TFEC: variants seen among roughly 807,000 people sequenced by gnomAD.
TFEC encodes transcription factor EC.
Under a neutral mutation model 41.6 loss-of-function variants are expected in TFEC, and 31 were observed. The ratio of observed to expected loss-of-function variants is 0.74; its 90% CI spans 0.56 to 1.01. The LOEUF (loss-of-function observed/expected upper bound fraction) is 1.01, where lower values mean the gene tolerates loss of function less well. Among genes scored for constraint, TFEC ranks in the 50% least tolerant of loss-of-function variants. The pLI, the probability that TFEC is intolerant of heterozygous loss-of-function variation, is 0.00. For synonymous variants in TFEC, 143 were observed against 140.6 expected, an observed-to-expected ratio of 1.02 and a Z score of -0.12; for missense variants, 402 against 404.1, an observed-to-expected ratio of 0.99 and a Z score of 0.04.
chr7:115,990,336 C>T (rs1368834738), intron 1 of TFEC, among the ~76,000 whole-genome samples: 7 of 152,122 alleles, frequency 4.6e-5, no homozygotes, highest in South Asian at 2.1e-4. Context: ...ACCAAAGGAG[C>T]GCGGCTCCTC....
intron 2 of TFEC, chr7:116,111,044 T>C (rs1165007955): frequency 1.7e-5 from 8 of 480,600 alleles, no homozygotes; most frequent in African/African-American, 1.2e-4. Flanking sequence ...GTATTTGAAA[T>C]AGAAAACAAA....
intron 1 of TFEC, among the ~76,000 whole-genome samples, chr7:116,126,337 G>A (rs912033019): frequency 2.0e-5 from 3 of 151,990 alleles, no homozygotes; most frequent in Non-Finnish European, 2.9e-5. Flanking sequence ...AAATAAAAGA[G>A]GTTGATGGAA....
chr7:116,087,572 A>G (rs1258369084), intron 3 of TFEC, among the ~76,000 whole-genome samples: 1 of 152,076 alleles, frequency 6.6e-6, no homozygotes, highest in Non-Finnish European at 1.5e-5. Flanking sequence ...TTCAAATATT[A>G]TAAATCCTTT....
intron 3 of TFEC, among the ~76,000 whole-genome samples, chr7:116,043,199 T>G (rs999947441): frequency 1.3e-5 from 2 of 152,274 alleles, no homozygotes; most frequent in Middle Eastern, 3.4e-3. Context: ...CTAAATTTAA[T>G]AGTGTATCTT....
chr7:116,035,401 G>A (rs985814343), upstream of TFEC, among the ~76,000 whole-genome samples: 2 of 152,040 alleles, frequency 1.3e-5, no homozygotes, highest in Non-Finnish European at 2.9e-5. Context: ...AAGGGCTCTT[G>A]TGTGTATGTG....
intron 3 of TFEC, among the ~76,000 whole-genome samples, chr7:116,100,608 C>A (rs183304634): frequency 6.6e-6 from 1 of 152,052 alleles, no homozygotes; most frequent in African/African-American, 2.4e-5. Flanking sequence ...TTCTCTAAAG[C>A]ATCTGGTATT....
chr7:116,082,104 T>A (rs1226968470), intron 3 of TFEC, among the ~76,000 whole-genome samples: 1 of 152,054 alleles, frequency 6.6e-6, no homozygotes, highest in Non-Finnish European at 1.5e-5. Flanking sequence ...ATAACTTTAT[T>A]CATCTTTGAA....
chr7:116,027,918 C>G (rs865779624), intron 1 of TFEC, among the ~76,000 whole-genome samples: 2 of 152,088 alleles, frequency 1.3e-5, no homozygotes, highest in Non-Finnish European at 2.9e-5. Context: ...CCTATTCTTT[C>G]AAACCTGAAA....
chr7:115,993,346 G>A (rs1019164720), intron 1 of TFEC, among the ~76,000 whole-genome samples: 1 of 152,174 alleles, frequency 6.6e-6, no homozygotes, highest in Non-Finnish European at 1.5e-5. Flanking sequence ...AGTGTTGGAA[G>A]TTCTGGCCAG....
intron 3 of TFEC, among the ~76,000 whole-genome samples, chr7:116,103,663 A>T (rs957234412): frequency 4.2e-4 from 64 of 152,190 alleles, no homozygotes; most frequent in African/African-American, 1.5e-3. Flanking sequence ...GTTAACACGT[A>T]GAGACACGGT....
At chr7:116,153,747 A>G (rs1280912135) in intron 1 of TFEC, among the ~76,000 whole-genome samples, 1 of 152,198 alleles carries the variant, frequency 6.6e-6, no homozygotes, top group Non-Finnish European at 1.5e-5. Context: ...ACCACTAGGT[A>G]AGATTGGAAT....
chr7:116,127,996 G>A (rs1798250928), intron 1 of TFEC, among the ~76,000 whole-genome samples: 1 of 151,924 alleles, frequency 6.6e-6, no homozygotes, highest in African/African-American at 2.4e-5. Context: ...TACTACTAAA[G>A]CCAGCCAAAA....
chr7:116,127,691 CA>C (rs72053152), intron 1 of TFEC, among the ~76,000 whole-genome samples: 3,253 of 105,066 alleles, frequency 0.031, 84 homozygotes, highest in African/African-American at 0.098. Context: ...GAGTCAGTGT[CA>C]AAAAAAAAAA....
chr7:116,030,842 G>C (rs545442806), upstream of TFEC: 22 of 985,090 alleles, frequency 2.2e-5, no homozygotes, highest in African/African-American at 3.5e-4. Context: ...CTGAACCCTG[G>C]TTGGAATTTC....
chr7:115,995,421 G>A (rs75960352), intron 1 of TFEC, among the ~76,000 whole-genome samples: 11 of 152,012 alleles, frequency 7.2e-5, no homozygotes, highest in South Asian at 2.1e-4. Context: ...ATATGCTTAC[G>A]TATGCTTATA....
At position 116,035,853 on chromosome 7, in the gene TFEC, T is replaced by C. The variant is rs562212091; in HGVS notation, c.199-51340A>G. 3.3e-4 allele frequency among the ~76,000 whole-genome samples: 50 copies of C among 152,060 alleles called. No individual in the cohort carries two copies. The Middle Eastern group carries it at 0.01, about 31-fold the overall frequency. ...AGAGAATGGAAAAGAGAAAGATCCG[T>C]ACCTCTGATTACCAAGAATTTAATT... is the stretch of plus-strand genomic sequence containing the variant. On this transcript the variant is annotated intron_variant, in intron 3 of 8. Transcript: ENST00000484212.
At chr7:116,026,800 T>C (rs1176032427) in intron 1 of TFEC, among the ~76,000 whole-genome samples, 1 of 152,136 alleles carries the variant, frequency 6.6e-6, no homozygotes, top group Admixed American at 6.5e-5. Flanking sequence ...TCTTTAACAG[T>C]AGGTGCAATT....
At chr7:115,992,677 G>A (rs1173995007) in intron 1 of TFEC, among the ~76,000 whole-genome samples, 1 of 151,992 alleles carries the variant, frequency 6.6e-6, no homozygotes, top group African/African-American at 2.4e-5. Flanking sequence ...CCCTGAATAG[G>A]CCAATAACAG....
At chr7:116,031,074 T>G (rs1334976778), upstream of TFEC, among the ~76,000 whole-genome samples, 1 of 152,104 alleles carries the variant, frequency 6.6e-6, no homozygotes, top group Non-Finnish European at 1.5e-5. Flanking sequence ...TGGACTGAGA[T>G]CCTACATTTA....
Sources: gnomAD v4.1 joint callset for allele counts (sites outside exome capture counted in the v4.1 genomes callset) on GRCh38, gnomAD v4.1.1 for gene constraint, MANE v1.5 for transcripts, NCBI Gene and HGNC (gene_info 2026-07-23, HGNC 2026-07-21) for gene names.